The following COL24A1 variants were observed in gnomAD, a reference collection of about 807,000 sequenced individuals.
COL24A1 encodes collagen alpha-1(XXIV) chain.
A neutral mutation model predicts 253.9 loss-of-function variants in COL24A1; 224 were observed. The observed-to-expected ratio is 0.88, with a 90% CI of 0.79 to 0.99. The LOEUF (loss-of-function observed/expected upper bound fraction) is 0.99. Among genes scored for constraint, COL24A1 ranks in the 50% least tolerant of loss-of-function variants. The pLI is 0.00. For synonymous variants in COL24A1, 685 were observed against 673.7 expected (o/e 1.02, Z -0.26); for missense variants, 2,131 against 2,068.5 (o/e 1.03, Z -0.59).
intron 35 of COL24A1, among the ~76,000 whole-genome samples, chr1:85,870,109 C>T (rs1680277000): frequency 6.6e-6 from 1 of 152,170 alleles, no homozygotes; most frequent in African/African-American, 2.4e-5. Flanking sequence ...AGGGCCATTA[C>T]ATAATGGTAA....
chr1:85,962,945 C>A (rs1691211582), intron 23 of COL24A1, among the ~76,000 whole-genome samples: 1 of 152,034 alleles, frequency 6.6e-6, no homozygotes, highest in Non-Finnish European at 1.5e-5. Context: ...CATCAGACTT[C>A]AAAGACTTTC....
intron 47 of COL24A1, among the ~76,000 whole-genome samples, chr1:85,793,314 T>A (rs1670490984): frequency 6.6e-6 from 1 of 152,124 alleles, no homozygotes; most frequent in African/African-American, 2.4e-5. Context: ...GACCTTTAAG[T>A]CTTTTTTTGT....
chr1:86,049,280 C>T (rs1048611662), intron 11 of COL24A1, among the ~76,000 whole-genome samples: 2 of 152,300 alleles, frequency 1.3e-5, no homozygotes, highest in Middle Eastern at 3.4e-3. Flanking sequence ...TCTGCAGGGG[C>T]ATTCACAAGT....
At chr1:86,049,489 T>C (rs532136285) in intron 11 of COL24A1, among the ~76,000 whole-genome samples, 138 of 152,308 alleles carry the variant, frequency 9.1e-4, no homozygotes, top group Non-Finnish European at 1.5e-3. Flanking sequence ...AATCTACTAA[T>C]ATTGTTCAAT....
intron 47 of COL24A1, among the ~76,000 whole-genome samples, chr1:85,788,540 T>C (rs1669939648): frequency 6.6e-6 from 1 of 152,248 alleles, no homozygotes; most frequent in Admixed American, 6.5e-5. Flanking sequence ...TGATAGTTTC[T>C]TCTGCTGTGC....
intron 53 of COL24A1, among the ~76,000 whole-genome samples, chr1:85,763,088 A>T (rs1357327234): frequency 2.6e-5 from 4 of 152,180 alleles, no homozygotes; most frequent in Non-Finnish European, 5.9e-5. Context: ...CTAATACACC[A>T]TTAAGGTGAA....
intron 24 of COL24A1, among the ~76,000 whole-genome samples, chr1:85,951,063 C>T (rs911401229): frequency 6.6e-6 from 1 of 152,152 alleles, no homozygotes; most frequent in Non-Finnish European, 1.5e-5. Context: ...AAGAATCTGT[C>T]GCATTTTCAG....
chr1:85,873,481 A>G (rs917208579), intron 35 of COL24A1, among the ~76,000 whole-genome samples: 3 of 152,254 alleles, frequency 2.0e-5, no homozygotes, highest in Non-Finnish European at 4.4e-5. Context: ...AATGTGGCAC[A>G]TATACACCAT....
intron 47 of COL24A1, among the ~76,000 whole-genome samples, chr1:85,795,915 T>A (rs566023888): frequency 6.6e-6 from 1 of 152,162 alleles, no homozygotes; most frequent in Non-Finnish European, 1.5e-5. Context: ...TCTCGTTTTA[T>A]TTGGTTTACT....
chr1:86,141,737 G>A (rs886454902), intron 2 of COL24A1, among the ~76,000 whole-genome samples: 7 of 146,556 alleles, frequency 4.8e-5, no homozygotes, highest in African/African-American at 1.8e-4. Flanking sequence ...GTCTCACTCT[G>A]TCAGCCAGGC....
intron 7 of COL24A1, among the ~76,000 whole-genome samples, chr1:86,081,148 G>T (rs1702607230): frequency 6.6e-6 from 1 of 152,244 alleles, no homozygotes; most frequent in South Asian, 2.1e-4. Context: ...TAGTTTGAAA[G>T]TGTTTGCCTT....
chr1:85,927,323 C>T (rs961106948), intron 24 of COL24A1, among the ~76,000 whole-genome samples: 9 of 152,178 alleles, frequency 5.9e-5, no homozygotes, highest in African/African-American at 9.6e-5. Flanking sequence ...GGGTGACGGA[C>T]GGCACCTGGA....
Position 85,806,174 on chromosome 1 carries a change from T to C in COL24A1, c.3951+10614A>G, listed in dbSNP as rs111948446. ...GATACAAATTTTCTCCAACTAAATC[T>C]ATAAATTCAAGACAAATCTAATAAC... On this transcript the variant is annotated intron_variant, in intron 47 of 59. Transcript: ENST00000370571. Among the ~76,000 whole-genome samples the C allele has an allele frequency of 3.0e-4, 45 of 152,094 alleles. 2 individuals are homozygous for C. Among genetic ancestry groups the C allele is most frequent in the Non-Finnish European group, 1.0e-4 (7 of 68,020 alleles).
At chr1:85,738,492 G>C in intron 57 of COL24A1, among the ~76,000 whole-genome samples, 1 of 152,110 alleles carries the variant, frequency 6.6e-6, no homozygotes, top group South Asian at 2.1e-4. Flanking sequence ...CCTAAACTCA[G>C]ACTACAGAAA....
intron 48 of COL24A1, among the ~76,000 whole-genome samples, chr1:85,785,395 A>G (rs914461732): frequency 9.9e-5 from 15 of 152,194 alleles, no homozygotes; most frequent in Non-Finnish European, 2.1e-4. Context: ...TAGGTTAATG[A>G]AAAACGATGC....
chr1:85,737,627 G>A (rs943227115), intron 57 of COL24A1, 122 bp from the exon 58 acceptor site: 7 of 615,446 alleles, frequency 1.1e-5, no homozygotes, highest in African/African-American at 3.9e-5. Context: ...GCAGCGGTGC[G>A]ATCTTGGCTC....
At position 86,022,313 on chromosome 1, in the gene COL24A1, G is replaced by GACAT. The variant is rs2101350237; in HGVS notation, c.2203-21_2203-20insATGT. On this transcript the variant is annotated intron_variant, in intron 17 of 59. Transcript: ENST00000370571. ...AGCACCCTAAGAGAAGAGAATAACAGAAGAGAAAGTTATTATACCACAAAA... is the reference window on the plus strand; with the variant it reads ...AGCACCCTAAGAGAAGAGAATAACAGACATAAGAGAAAGTTATTATACCACAAAA... 1 of 1,599,830 alleles carries GACAT rather than the reference G, an allele frequency of 6.3e-7. No individual in the cohort carries two copies. Among genetic ancestry groups the GACAT allele is most frequent in the Non-Finnish European group, 8.6e-7 (1 of 1,167,638 alleles).
intron 42 of COL24A1, among the ~76,000 whole-genome samples, chr1:85,840,762 T>C (rs1453288406): frequency 2.6e-5 from 4 of 152,142 alleles, no homozygotes; most frequent in African/African-American, 9.6e-5. Flanking sequence ...CAGTAATCTT[T>C]AAAGGTTATT....
chr1:86,023,635 A>T (rs1177377529), intron 14 of COL24A1, among the ~76,000 whole-genome samples: 1 of 152,250 alleles, frequency 6.6e-6, no homozygotes, highest in East Asian at 1.9e-4. Context: ...AAAAGACATA[A>T]TCTCTAACAT....
Sources: gnomAD v4.1 joint callset for allele counts (sites outside exome capture counted in the v4.1 genomes callset) on GRCh38, gnomAD v4.1.1 for gene constraint, MANE v1.5 for transcripts, NCBI Gene and HGNC (gene_info 2026-07-23, HGNC 2026-07-21) for gene names.